Variants in OR1F1 observed in about 807,000 individuals in gnomAD.
The protein encoded by OR1F1 is olfactory receptor 1F1.
For synonymous variants in OR1F1, 184 were observed against 156.7 expected, an observed-to-expected ratio of 1.17 and a Z score of -1.30; for missense variants, 493 against 376.3, an observed-to-expected ratio of 1.31 and a Z score of -2.57.
rs1958180791 is a variant in OR1F1, at chr16:3,204,669, T to C, written c.423T>C (p.Cys141=). Residue 141 remains cysteine (C), a synonymous_variant, in exon 1 of 1, where the codon TGT becomes TGC. Transcript: ENST00000304646. ...CAGCAAAGATGACCCATCAGCTCTG[T>C]GCCCTGCTGGTTGCTGGATTATGGG... 3.1e-6 allele frequency: 5 copies of C among 1,614,192 alleles called. No homozygotes were observed. In the South Asian group the frequency reaches 5.5e-5, roughly 18 times the overall value.
chr16:3,189,699 C>A, the OR1F1 span: 1 of 151,726 alleles, frequency 6.6e-6, no homozygotes, highest in African/African-American at 2.4e-5. Context: ...AAATCCCGGA[C>A]GAGCCCGGCT....
At chr16:3,198,363 C>T in the OR1F1 span, among the ~76,000 whole-genome samples, 4,890 of 151,996 alleles carry the variant, frequency 0.032, 264 homozygotes, top group African/African-American at 0.11. Context: ...AGCTGGTGTG[C>T]CATCTGGCTG....
At chr16:3,193,205 C>T in the OR1F1 span, among the ~76,000 whole-genome samples, 1 of 152,164 alleles carries the variant, frequency 6.6e-6, no homozygotes, top group South Asian at 2.1e-4. Flanking sequence ...AGATTACTGG[C>T]GCGAGCCTCC....
chr16:3,204,249 GA>G lies in OR1F1; in HGVS notation c.4del (p.Ser2AlafsTer48). 6.3e-7 allele frequency: 1 copy of G among 1,594,348 alleles called. No individual in the cohort carries two copies. The highest frequency in any genetic ancestry group is 8.6e-7 in the Non-Finnish European group (1 of 1,167,228). ...TCTGTGTCCAGGATCCCAGGCCCAT[GA>G]GCGGGACAAACCAGTCGAGTGTCTC... On this transcript the variant is annotated frameshift_variant, in exon 1 of 1. Transcript: ENST00000304646. LOFTEE classifies it low-confidence loss of function (END_TRUNC).
chr16:3,192,000 C>T, the OR1F1 span, among the ~76,000 whole-genome samples: 12 of 152,280 alleles, frequency 7.9e-5, no homozygotes, highest in East Asian at 9.6e-4. Flanking sequence ...GCTCGTTGGT[C>T]TAGGGGTATG....
the OR1F1 span, among the ~76,000 whole-genome samples, chr16:3,189,046 T>C: frequency 2.0e-5 from 3 of 152,038 alleles, no homozygotes; most frequent in South Asian, 4.2e-4. Context: ...GAAAAGAGAC[T>C]CTCAGCGTCA....
chr16:3,199,752 A>G (rs1257545810), upstream of OR1F1, among the ~76,000 whole-genome samples: 2 of 152,160 alleles, frequency 1.3e-5, no homozygotes, highest in African/African-American at 2.4e-5. Context: ...AGTGGCTCAC[A>G]CTTGTAATCT....
the OR1F1 span, among the ~76,000 whole-genome samples, chr16:3,191,747 G>A: frequency 1.3e-5 from 2 of 152,012 alleles, no homozygotes; most frequent in Non-Finnish European, 2.9e-5. Context: ...GCACCGGGAC[G>A]GGCTGGTTGC....
chr16:3,200,733 C>T (rs1408041088), upstream of OR1F1, among the ~76,000 whole-genome samples: 2 of 152,138 alleles, frequency 1.3e-5, no homozygotes, highest in East Asian at 1.9e-4. Context: ...GCTTTAATGA[C>T]CTCAATTACA....
upstream of OR1F1, among the ~76,000 whole-genome samples, chr16:3,200,943 A>G (rs1958129237): frequency 3.9e-5 from 6 of 152,240 alleles, no homozygotes; most frequent in Non-Finnish European, 1.5e-5. Context: ...TTTTCGTTTC[A>G]AACAAATTCT....
upstream of OR1F1, among the ~76,000 whole-genome samples, chr16:3,203,358 G>T (rs138735155): frequency 6.6e-6 from 1 of 152,188 alleles, no homozygotes; most frequent in Non-Finnish European, 1.5e-5. Context: ...CAGCCTCAAA[G>T]CTCCAGTGAC....
the OR1F1 span, among the ~76,000 whole-genome samples, chr16:3,196,027 G>T: frequency 6.6e-6 from 1 of 152,240 alleles, no homozygotes; most frequent in Non-Finnish European, 1.5e-5. Flanking sequence ...CGTCTCTCCT[G>T]GTGGACTTTC....
chr16:3,203,503 C>T (rs7192678), upstream of OR1F1, among the ~76,000 whole-genome samples: 4,744 of 152,316 alleles, frequency 0.031, 244 homozygotes, highest in African/African-American at 0.11. Context: ...TGGTGGCTCA[C>T]GCCTGTAATC....
At chr16:3,202,590 C>T (rs1958146457), upstream of OR1F1, among the ~76,000 whole-genome samples, 1 of 151,416 alleles carries the variant, frequency 6.6e-6, no homozygotes, top group Non-Finnish European at 1.5e-5. Flanking sequence ...CTCTGTTGCC[C>T]AGCCTGGTGG....
At chr16:3,200,801 A>G (rs1053931283), upstream of OR1F1, among the ~76,000 whole-genome samples, 1 of 152,180 alleles carries the variant, frequency 6.6e-6, no homozygotes, top group African/African-American at 2.4e-5. Context: ...GCTGTGTCCC[A>G]AGAACATGGT....
exon 1 of OR1F1, chr16:3,204,948 G>C: frequency 6.2e-7 from 1 of 1,614,104 alleles, no homozygotes; most frequent in Non-Finnish European, 8.5e-7. Context: ...CAAAGGGAAG[G>C]TGGAAAGCCT....
upstream of OR1F1, among the ~76,000 whole-genome samples, chr16:3,202,977 TA>T (rs112479362): frequency 0.049 from 7,450 of 152,196 alleles, 614 homozygotes; most frequent in African/African-American, 0.17. Flanking sequence ...TTAATCCCAG[TA>T]CAGCTTCACA....
At chr16:3,204,141 G>A, upstream of OR1F1, 1 of 791,700 alleles carries the variant, frequency 1.3e-6, no homozygotes, top group Non-Finnish European at 2.0e-6. Context: ...TTTACATCCT[G>A]CAAGCAAAAT....
upstream of OR1F1, among the ~76,000 whole-genome samples, chr16:3,200,229 G>T (rs998356793): frequency 6.6e-6 from 1 of 152,102 alleles, no homozygotes; most frequent in Non-Finnish European, 1.5e-5. Flanking sequence ...CAGTGCACAA[G>T]TGCTGTAGCT....
Sources: allele counts gnomAD v4.1 joint callset (sites outside exome capture counted in the v4.1 genomes callset), GRCh38; gene constraint gnomAD v4.1.1; transcripts MANE v1.5; gene names NCBI Gene and HGNC (gene_info 2026-07-23, HGNC 2026-07-21).